ZSCAN25: variants seen among roughly 807,000 people sequenced by gnomAD.
The protein encoded by ZSCAN25 is zinc finger and SCAN domain-containing protein 25.
A neutral mutation model predicts 38.7 loss-of-function variants in ZSCAN25; 27 were observed. The ratio of observed to expected loss-of-function variants is 0.70; its 90% CI spans 0.51 to 0.96. The LOEUF (loss-of-function observed/expected upper bound fraction) is 0.96. ZSCAN25 is among the 40% of genes least tolerant of loss of function. ZSCAN25 has a pLI of 0.00. For synonymous variants in ZSCAN25, 273 were observed against 277.7 expected (o/e 0.98, Z 0.17); for missense variants, 637 against 705.9 (o/e 0.90, Z 1.11).
the ZSCAN25 span, among the ~76,000 whole-genome samples, chr7:99,650,935 C>T: frequency 6.6e-6 from 1 of 152,130 alleles, no homozygotes; most frequent in Admixed American, 6.6e-5. Flanking sequence ...AAGATTGACC[C>T]ATGTTTTATT....
the ZSCAN25 span, among the ~76,000 whole-genome samples, chr7:99,729,856 C>T: frequency 6.6e-6 from 1 of 152,190 alleles, no homozygotes; most frequent in Non-Finnish European, 1.5e-5. Flanking sequence ...ACTCAGTTGG[C>T]CTGCACCCAA....
the ZSCAN25 span, chr7:99,672,678 TTC>T: frequency 6.2e-7 from 1 of 1,614,110 alleles, no homozygotes; most frequent in Non-Finnish European, 8.5e-7. Context: ...CCTTCATACG[TTC>T]TGTGTGGGGA....
At chr7:99,671,083 G>A in the ZSCAN25 span, 2 of 151,406 alleles carry the variant, frequency 1.3e-5, no homozygotes, top group Non-Finnish European at 2.9e-5. Context: ...TATCTGTGGT[G>A]GTAGATATAT....
the ZSCAN25 span, among the ~76,000 whole-genome samples, chr7:99,707,233 G>A: frequency 6.6e-6 from 1 of 152,200 alleles, no homozygotes; most frequent in Non-Finnish European, 1.5e-5. Flanking sequence ...GACTGTGGTA[G>A]TCCTTCGTAT....
chr7:99,690,245 G>A, the ZSCAN25 span, among the ~76,000 whole-genome samples: 8 of 152,346 alleles, frequency 5.3e-5, no homozygotes, highest in East Asian at 5.8e-4. Flanking sequence ...CTAGCCATAT[G>A]TAGAAAGCTG....
At chr7:99,679,793 G>C in the ZSCAN25 span, 3 of 1,609,440 alleles carry the variant, frequency 1.9e-6, no homozygotes, top group South Asian at 2.2e-5. Context: ...CAAGTCCAAG[G>C]AAACAAAGAG....
Position 99,630,422 on chromosome 7 carries a change from C to T in ZSCAN25, c.*402C>T, listed in dbSNP as rs147049372. On this transcript the variant is annotated 3_prime_UTR_variant, in exon 8 of 8. Coordinates refer to ENST00000394152, the MANE Select transcript of ZSCAN25 (RefSeq NM_145115.3). ...GGTCATAGCTCAGACTCTTCCCCCA[C>T]CCCCTCTCTTTTCCATTGAACAAAC... The T allele has an allele frequency of 1.4e-4, 138 of 1,014,910 alleles. No individual in the cohort carries two copies. The African/African-American group carries it at 2.2e-3, about 16-fold the overall frequency. 62.9% of individuals were successfully genotyped at this position (1,014,910 alleles called of 1,614,324 possible).
At chr7:99,719,604 A>AT in the ZSCAN25 span, among the ~76,000 whole-genome samples, 1 of 152,036 alleles carries the variant, frequency 6.6e-6, no homozygotes, top group East Asian at 1.9e-4. Context: ...CCATAAAAAA[A>AT]TATTAATACA....
the ZSCAN25 span, chr7:99,709,175 C>T: frequency 4.3e-6 from 7 of 1,613,978 alleles, no homozygotes; most frequent in Non-Finnish European, 5.9e-6. Flanking sequence ...TCTCAAGTCT[C>T]ATAGCAACTG....
chr7:99,617,521 CA>C (rs757506829), intron 1 of ZSCAN25, among the ~76,000 whole-genome samples: 2 of 152,038 alleles, frequency 1.3e-5, no homozygotes, highest in Non-Finnish European at 2.9e-5. Context: ...TTCAAGGTTG[CA>C]CTGACTTACA....
the ZSCAN25 span, chr7:99,672,937 T>C: frequency 8.0e-7 from 1 of 1,250,476 alleles, no homozygotes; most frequent in Non-Finnish European, 1.0e-6. Flanking sequence ...AAGAGCTCTT[T>C]AAAGAGATTA....
the ZSCAN25 span, chr7:99,730,879 C>G: frequency 1.4e-6 from 1 of 736,602 alleles, no homozygotes; most frequent in Non-Finnish European, 2.1e-6. Context: ...ACTTGAGGTT[C>G]CTGAGAGTTA....
the ZSCAN25 span, chr7:99,663,378 G>A: frequency 3.0e-6 from 3 of 991,104 alleles, no homozygotes; most frequent in Non-Finnish European, 3.6e-6. Flanking sequence ...TGGGTTACCT[G>A]GTCCTGTCTC....
At chr7:99,711,974 T>G in the ZSCAN25 span, among the ~76,000 whole-genome samples, 1 of 152,164 alleles carries the variant, frequency 6.6e-6, no homozygotes, top group African/African-American at 2.4e-5. Flanking sequence ...TATCTCAGGA[T>G]GTACAGCAAC....
the ZSCAN25 span, chr7:99,663,343 A>G: frequency 1.0e-6 from 1 of 993,686 alleles, no homozygotes; most frequent in African/African-American, 1.8e-5. Flanking sequence ...ACATTCTCAA[A>G]CTCTATATAA....
chr7:99,663,256 T>C, the ZSCAN25 span: 22 of 1,036,858 alleles, frequency 2.1e-5, no homozygotes, highest in African/African-American at 3.3e-4. Flanking sequence ...TCTTCAGCAG[T>C]GTCCGTATAG....
chr7:99,672,798 C>G, the ZSCAN25 span: 3 of 1,537,064 alleles, frequency 2.0e-6, no homozygotes, highest in African/African-American at 4.1e-5. Context: ...AGTTGTACGA[C>G]ACACAGCAAC....
the ZSCAN25 span, among the ~76,000 whole-genome samples, chr7:99,689,982 G>A: frequency 5.3e-5 from 8 of 152,254 alleles, no homozygotes; most frequent in South Asian, 8.3e-4. Context: ...AAAAGAGCCC[G>A]CATTGCCAAG....
the ZSCAN25 span, among the ~76,000 whole-genome samples, chr7:99,664,801 G>C: frequency 6.6e-6 from 1 of 152,032 alleles, no homozygotes; most frequent in Non-Finnish European, 1.5e-5. Flanking sequence ...CCTAAAGCCA[G>C]CAAAAGAAAG....
Sources: gnomAD v4.1 joint callset for allele counts (sites outside exome capture counted in the v4.1 genomes callset) on GRCh38, gnomAD v4.1.1 for gene constraint, MANE v1.5 for transcripts, NCBI Gene and HGNC (gene_info 2026-07-23, HGNC 2026-07-21) for gene names.